The following TACC2 variants were observed in gnomAD, a reference collection of about 807,000 sequenced individuals.
The protein encoded by TACC2 is transforming acidic coiled-coil containing protein 2, also known as transforming acidic coiled-coil-containing protein 2.
Under a neutral mutation model 227.3 loss-of-function variants are expected in TACC2, and 137 were observed. That is an observed-to-expected ratio of 0.60 (90% CI 0.52 to 0.69). TACC2 has a LOEUF of 0.69. Ranked by LOEUF, TACC2 falls within the 30% of genes least tolerant of loss-of-function variation. The pLI is 0.00. For synonymous variants in TACC2, 1,523 were observed against 1,487.5 expected, an observed-to-expected ratio of 1.02 and a Z score of -0.55; for missense variants, 3,470 against 3,694.4, an observed-to-expected ratio of 0.94 and a Z score of 1.57.
chr10:122,132,847 A>T, intron 6 of TACC2, 113 bp downstream of exon 6: 1 of 1,091,316 alleles, frequency 9.2e-7, no homozygotes, highest in South Asian at 1.5e-5. Flanking sequence ...CTGCAGTTTC[A>T]CCCCCTCTGC....
intron 3 of TACC2, among the ~76,000 whole-genome samples, chr10:122,062,072 A>G (rs2076895197): frequency 1.8e-5 from 2 of 113,546 alleles, no homozygotes; most frequent in South Asian, 6.2e-4. Context: ...TCGCTCTGTC[A>G]CCCAGGCTGG....
At chr10:122,117,724 A>C (rs111814717) in intron 5 of TACC2, among the ~76,000 whole-genome samples, 114 of 152,282 alleles carry the variant, frequency 7.5e-4, no homozygotes, top group African/African-American at 2.6e-3. Context: ...TAGTGTCTGC[A>C]TCATTTAGAA....
chr10:122,200,839 C>CA (rs2094789594), intron 8 of TACC2, among the ~76,000 whole-genome samples: 1 of 90,130 alleles, frequency 1.1e-5, no homozygotes, highest in Non-Finnish European at 2.2e-5. Context: ...CACATCTACA[C>CA]TGAGAGGATG....
chr10:122,165,006 C>T (rs1294306610), intron 7 of TACC2, among the ~76,000 whole-genome samples: 1 of 152,006 alleles, frequency 6.6e-6, no homozygotes, highest in Non-Finnish European at 1.5e-5. Context: ...GCTGGCTCGG[C>T]GTAGTGATGT....
chr10:122,249,507 C>A, intron 21 of TACC2, 37 bp from the exon 22 acceptor site: 1 of 1,607,314 alleles, frequency 6.2e-7, no homozygotes, highest in Non-Finnish European at 8.5e-7. Context: ...TAGTGATCCA[C>A]AAAAGAGTGA....
intron 2 of TACC2, 119 bp downstream of exon 2, chr10:122,022,133 A>G: frequency 2.1e-6 from 2 of 964,972 alleles, no homozygotes; most frequent in South Asian, 1.4e-5. Flanking sequence ...GCTTCTGCGT[A>G]GATGTGTGCG....
chr10:122,226,134 C>T (rs1021110410), intron 12 of TACC2, among the ~76,000 whole-genome samples: 6 of 152,340 alleles, frequency 3.9e-5, no homozygotes, highest in East Asian at 1.9e-4. Flanking sequence ...CCCCTGGCCA[C>T]GTTCCTACTT....
In TACC2 at chr10:122,083,263, G is replaced by A. The variant is rs753305212; in HGVS notation, c.763G>A (p.Ala255Thr). 1.2e-6 allele frequency: 2 copies of A among 1,613,722 alleles called. No homozygotes were observed. Among genetic ancestry groups the A allele is most frequent in the South Asian group, 1.1e-5 (1 of 91,074 alleles). Residue 255 changes from alanine (A) to threonine (T), a missense_variant, in exon 4 of 23, where the codon GCA (alanine) becomes ACA (threonine). Coordinates refer to ENST00000369005, the MANE Select transcript of TACC2 (RefSeq NM_206862.4). ...GCAAGTGACCCCTGAGGCCCCTGCT[G>A]CAGCCCAGCAGGGCACAGAAAGCTC... ...SVQVTPEAPAAAQQGTESSAV... is the reference protein window; with the variant it reads ...SVQVTPEAPATAQQGTESSAV...
chr10:122,120,019 C>T (rs1370620859), intron 5 of TACC2, among the ~76,000 whole-genome samples: 3 of 152,110 alleles, frequency 2.0e-5, no homozygotes, highest in Admixed American at 6.6e-5. Flanking sequence ...TTGAGCTTGC[C>T]GTAAAATTCG....
chr10:121,999,946 G>A (rs970073161), intron 1 of TACC2, among the ~76,000 whole-genome samples: 1 of 152,188 alleles, frequency 6.6e-6, no homozygotes, highest in Non-Finnish European at 1.5e-5. Flanking sequence ...TAGGAGCCAG[G>A]AGTAGTGGTC....
At chr10:122,025,916 A>C (rs1254540218) in intron 2 of TACC2, among the ~76,000 whole-genome samples, 1 of 151,902 alleles carries the variant, frequency 6.6e-6, no homozygotes, top group Non-Finnish European at 1.5e-5. Context: ...AGAGTTCTTT[A>C]TATAGTCTAG....
Position 122,025,637 on chromosome 10 carries a change from G to A in TACC2, c.33+3623G>A, listed in dbSNP as rs1295083272. Reference sequence around the variant, plus strand: ...TGCCCAGGCTGGAGTGCAGTGGTGCGATCTTGGCTCACTGCAACCTCCGCC... The same window carrying A: ...TGCCCAGGCTGGAGTGCAGTGGTGCAATCTTGGCTCACTGCAACCTCCGCC... On this transcript the variant is annotated intron_variant, in intron 2 of 22. Transcript: ENST00000369005. Among the ~76,000 whole-genome samples, 4 of 148,098 alleles carry A rather than the reference G, an allele frequency of 2.7e-5. No homozygotes were observed. The East Asian group carries it at 6.1e-4, about 23-fold the overall frequency.
intron 3 of TACC2, among the ~76,000 whole-genome samples, chr10:122,071,346 G>C (rs997025348): frequency 6.6e-6 from 1 of 152,150 alleles, no homozygotes; most frequent in Non-Finnish European, 1.5e-5. Context: ...TGGCTATGGG[G>C]AGTACTGGTG....
chr10:122,084,055 C>A lies in TACC2; in HGVS notation c.1555C>A (p.Pro519Thr). Residue 519 changes from proline (P) to threonine (T), a missense_variant, in exon 4 of 23, where the codon CCC (proline) becomes ACC (threonine). Pro to Thr is a conservative substitution (Grantham distance 38, BLOSUM62 -1). This residue lies in a region of TACC2 where 1,924 missense variants were observed against 1,978.3 expected (regional missense o/e 0.97). Transcript: ENST00000369005. ...VQPGVPPPPL[P>T]KEQSHEVQPG... The stretch of plus-strand genomic sequence containing the variant: ...ACCAGGAGTACCACCCCCTCCTCTT[C>A]CCAAGGAGCAAAGCCATGAGGTCCA... The A allele has an allele frequency of 6.2e-7, 1 of 1,613,964 alleles. No individual in the cohort carries two copies. Among genetic ancestry groups the A allele is most frequent in the Non-Finnish European group, 8.5e-7 (1 of 1,179,968 alleles).
chr10:122,063,831 TAC>T (rs139868618), intron 3 of TACC2, among the ~76,000 whole-genome samples: 3,517 of 146,284 alleles, frequency 0.024, 71 homozygotes, highest in African/African-American at 0.056. Context: ...TATTATATAA[TAC>T]ACACACACAC....
chr10:122,018,766 A>G (rs1956992170), intron 1 of TACC2, among the ~76,000 whole-genome samples: 1 of 152,062 alleles, frequency 6.6e-6, no homozygotes, highest in Non-Finnish European at 1.5e-5. Context: ...GAGAGACGGC[A>G]TTTTGTTTAT....
chr10:122,045,539 C>G (rs527759392), intron 2 of TACC2, among the ~76,000 whole-genome samples: 1 of 152,340 alleles, frequency 6.6e-6, no homozygotes, highest in Non-Finnish European at 1.5e-5. Flanking sequence ...ACTAGACACA[C>G]AGAAAGTGTT....
At chr10:122,252,481 GTTT>G (rs758449522) in intron 22 of TACC2, among the ~76,000 whole-genome samples, 161 of 148,618 alleles carry the variant, frequency 1.1e-3, no homozygotes, top group Non-Finnish European at 2.2e-3. Context: ...GGCAATGAGA[GTTT>G]TTTTTTTCTT....
At chr10:122,098,587 A>G (rs1045205941) in intron 5 of TACC2, among the ~76,000 whole-genome samples, 1 of 152,208 alleles carries the variant, frequency 6.6e-6, no homozygotes, top group Non-Finnish European at 1.5e-5. Flanking sequence ...AGGGTCCACC[A>G]CAGAGAGTTA....
Sources: gnomAD v4.1 joint callset for allele counts (sites outside exome capture counted in the v4.1 genomes callset) on GRCh38, gnomAD v4.1.1 for gene constraint, gnomAD v4.1.1 regional missense constraint, MANE v1.5 for transcripts, NCBI Gene and HGNC (gene_info 2026-07-23, HGNC 2026-07-21) for gene names.